Variants in CTNNA3 observed in about 807,000 individuals in gnomAD.
CTNNA3 encodes catenin alpha-3.
In CTNNA3, 76 loss-of-function variants were observed where a neutral mutation model predicts 95.7. That is an observed-to-expected ratio of 0.79 (90% confidence interval 0.66 to 0.96). The LOEUF (loss-of-function observed/expected upper bound fraction) is 0.96, where lower values mean the gene tolerates loss of function less well. CTNNA3 is among the 40% of genes least tolerant of loss of function. The pLI is 0.00. For synonymous variants in CTNNA3, 431 were observed against 374.4 expected (o/e 1.15, Z -1.74); for missense variants, 1,191 against 1,089.8 (o/e 1.09, Z -1.31).
chr10:67,482,002 G>A (rs1848251440), intron 5 of CTNNA3, among the ~76,000 whole-genome samples: 1 of 151,992 alleles, frequency 6.6e-6, no homozygotes, highest in Non-Finnish European at 1.5e-5. Context: ...TTATTAAATA[G>A]GGAATCCTTT....
In CTNNA3 at chr10:67,592,733, CAAT is replaced by C. The variant is rs547898660; in HGVS notation, c.292+14121_292+14123del. On this transcript the variant is annotated intron_variant, in intron 3 of 17. Coordinates refer to ENST00000433211, the MANE Select transcript of CTNNA3 (RefSeq NM_013266.4). ...AGAAAGTGGCAGTTTCCACTGCTAGCAATAATAAGATAGAATACATATGACTAA... is the reference window on the plus strand; with the variant it reads ...AGAAAGTGGCAGTTTCCACTGCTAGCAATAAGATAGAATACATATGACTAA... 2.9e-3 allele frequency among the ~76,000 whole-genome samples: 442 copies of C among 152,202 alleles called. 13 individuals are homozygous for C. In the Middle Eastern group the frequency reaches 0.031, roughly 11 times the overall value.
intron 13 of CTNNA3, among the ~76,000 whole-genome samples, chr10:66,133,565 A>G (rs1430699599): frequency 2.0e-5 from 3 of 151,936 alleles, no homozygotes; most frequent in African/African-American, 7.2e-5. Context: ...AGAGAGAAAT[A>G]AAGCGAGAAA....
chr10:66,404,336 A>T (rs1374470211), intron 11 of CTNNA3, among the ~76,000 whole-genome samples: 2 of 152,190 alleles, frequency 1.3e-5, no homozygotes, highest in Non-Finnish European at 2.9e-5. Context: ...TACATGGGCC[A>T]GCTTCAGGTC....
intron 13 of CTNNA3, among the ~76,000 whole-genome samples, chr10:66,106,892 C>T (rs1290214881): frequency 6.6e-6 from 1 of 151,298 alleles, no homozygotes; most frequent in Non-Finnish European, 1.5e-5. Context: ...TTTGGGTTGA[C>T]ATGGTACATT....
chr10:67,100,595 T>C (rs1858282592), intron 7 of CTNNA3, among the ~76,000 whole-genome samples: 2 of 151,704 alleles, frequency 1.3e-5, no homozygotes, highest in Non-Finnish European at 3.0e-5. Flanking sequence ...TCCCTTCCTG[T>C]CTATTCCTCA....
chr10:66,756,723 GGAAA>G (rs1839373701), intron 9 of CTNNA3, among the ~76,000 whole-genome samples: 1 of 152,006 alleles, frequency 6.6e-6, no homozygotes, highest in Non-Finnish European at 1.5e-5. Flanking sequence ...AATCACTACA[GGAAA>G]GAAAGCTGGG....
chr10:65,939,776 T>C (rs1193685204), intron 17 of CTNNA3, among the ~76,000 whole-genome samples: 1 of 152,150 alleles, frequency 6.6e-6, no homozygotes, highest in Non-Finnish European at 1.5e-5. Flanking sequence ...ATAATTTGTA[T>C]GATTATTTGA....
chr10:67,215,973 AT>A lies in CTNNA3; in HGVS notation c.843+3633del, dbSNP rs146196025. ...CTCAAATAATTTCCATAATTCAGTT[AT>A]CAGATTATTTATGTATATAAAAATA... is the stretch of plus-strand genomic sequence containing the variant. On this transcript the variant is annotated intron_variant, in intron 6 of 17. Transcript: ENST00000433211. Among the ~76,000 whole-genome samples, 2,614 of 152,262 alleles carry A rather than the reference AT, an allele frequency of 0.017. 131 individuals carry two copies. In the East Asian group the frequency reaches 0.18, roughly 11 times the overall value.
At chr10:66,651,241 C>G (rs1845885946) in intron 9 of CTNNA3, among the ~76,000 whole-genome samples, 1 of 152,168 alleles carries the variant, frequency 6.6e-6, no homozygotes, top group Non-Finnish European at 1.5e-5. Context: ...CATAAAAGTT[C>G]TCCAAGTCCC....
intron 3 of CTNNA3, among the ~76,000 whole-genome samples, chr10:67,551,778 T>C (rs1841042312): frequency 6.6e-6 from 1 of 152,174 alleles, no homozygotes; most frequent in South Asian, 2.1e-4. Flanking sequence ...CGTTTCACTA[T>C]CAATCACACT....
At chr10:67,232,124 A>C (rs1055967520) in intron 5 of CTNNA3, among the ~76,000 whole-genome samples, 5 of 152,114 alleles carry the variant, frequency 3.3e-5, no homozygotes, top group African/African-American at 1.2e-4. Flanking sequence ...CAATCTAGCA[A>C]GGCAGGCCAA....
intron 1 of CTNNA3, among the ~76,000 whole-genome samples, chr10:67,702,939 G>A (rs1841052807): frequency 6.6e-6 from 1 of 151,902 alleles, no homozygotes; most frequent in Non-Finnish European, 1.5e-5. Context: ...AATGATAAAG[G>A]GGATATCACC....
intron 1 of CTNNA3, among the ~76,000 whole-genome samples, chr10:67,674,234 TAAG>T (rs1263768128): frequency 1.3e-5 from 2 of 151,962 alleles, no homozygotes; most frequent in African/African-American, 4.8e-5. Flanking sequence ...GGTGTCCTTC[TAAG>T]AAGAGGAAAT....
Position 66,069,381 on chromosome 10 carries a change from C to T in CTNNA3, c.2086G>A (p.Asp696Asn). ...AGAACAATGATGTCGTTGCTTGTAT[C>T]ATCCCATATCTCAATCTCAGCATCC... ...KLDAEIEIWD[D>N]TSNDIIVLAK... Residue 696 changes from aspartate (D) to asparagine (N), a missense_variant, in exon 15 of 18, where the codon GAT becomes AAT. Transcript: ENST00000433211. 2 of 1,613,644 alleles carry T rather than the reference C, an allele frequency of 1.2e-6. No homozygotes were observed. Among genetic ancestry groups the T allele is most frequent in the South Asian group, 2.2e-5 (2 of 91,078 alleles).
intron 12 of CTNNA3, among the ~76,000 whole-genome samples, chr10:66,315,324 G>C (rs1173962044): frequency 6.6e-6 from 1 of 152,024 alleles, no homozygotes; most frequent in Non-Finnish European, 1.5e-5. Context: ...GTCAAAATAT[G>C]GACCAGAGAT....
At chr10:66,328,354 A>C (rs1241784478) in intron 12 of CTNNA3, among the ~76,000 whole-genome samples, 9 of 152,104 alleles carry the variant, frequency 5.9e-5, no homozygotes, top group African/African-American at 2.2e-4. Context: ...CATCATATTT[A>C]AATGTTAGAT....
intron 9 of CTNNA3, among the ~76,000 whole-genome samples, chr10:66,699,483 T>C (rs7087632): frequency 0.017 from 2,647 of 152,240 alleles, 38 homozygotes; most frequent in Non-Finnish European, 0.028. Context: ...CTCTCATTAG[T>C]GACATTGAGC....
intron 9 of CTNNA3, among the ~76,000 whole-genome samples, chr10:66,763,366 A>AGGG (rs1339079453): frequency 5.4e-5 from 8 of 147,256 alleles, no homozygotes; most frequent in East Asian, 4.1e-4. Context: ...AGAGAGAGAG[A>AGGG]AAGAGAGAAA....
intron 5 of CTNNA3, among the ~76,000 whole-genome samples, chr10:67,420,824 G>A (rs920839302): frequency 6.6e-6 from 1 of 152,038 alleles, no homozygotes; most frequent in African/African-American, 2.4e-5. Flanking sequence ...TAAAATAGTT[G>A]TTTCTTATTA....
Sources: allele counts gnomAD v4.1 joint callset (sites outside exome capture counted in the v4.1 genomes callset), GRCh38; gene constraint gnomAD v4.1.1; transcripts MANE v1.5; gene names NCBI Gene and HGNC (gene_info 2026-07-23, HGNC 2026-07-21).